The following ASAP3 variants were observed in gnomAD, a reference collection of about 807,000 sequenced individuals.
The protein encoded by ASAP3 is ArfGAP with SH3 domain, ankyrin repeat and PH domain 3, also known as arf-GAP with SH3 domain, ANK repeat and PH domain-containing protein 3.
A neutral mutation model predicts 118.2 loss-of-function variants in ASAP3; 85 were observed. The ratio of observed to expected loss-of-function variants is 0.72; its 90% CI spans 0.60 to 0.86. The LOEUF (loss-of-function observed/expected upper bound fraction) is 0.86. Among genes scored for constraint, ASAP3 ranks in the 40% least tolerant of loss-of-function variants. ASAP3 has a pLI of 0.00. For missense variants in ASAP3, 1,026 were observed against 1,175.0 expected, an observed-to-expected ratio of 0.87 and a Z score of 1.85; for synonymous variants, 432 against 477.4, an observed-to-expected ratio of 0.90 and a Z score of 1.24.
intron 4 of ASAP3, among the ~76,000 whole-genome samples, chr1:23,452,191 C>A (rs578192183): frequency 6.6e-6 from 1 of 152,296 alleles, no homozygotes; most frequent in East Asian, 1.9e-4. Flanking sequence ...AGGGAGGGAA[C>A]CCTCTTGGGG....
Position 23,436,471 on chromosome 1 carries a change from C to A in ASAP3, c.1571+89G>T. On this transcript the variant is annotated intron_variant, in intron 16 of 24. Coordinates refer to ENST00000336689, the MANE Select transcript of ASAP3 (RefSeq NM_017707.4). This position sits in a 1 kb window ranked among gnomAD's most constrained non-coding sequence, Gnocchi z 4.2. ...AGCCACTGCGCCCAGCCTCCCCAGA[C>A]TTCTGATCCAAGACTTTTCTACGAC... The A allele has an allele frequency of 6.8e-7, 1 of 1,472,594 alleles. No homozygotes were observed. Among genetic ancestry groups the A allele is most frequent in the Non-Finnish European group, 9.4e-7 (1 of 1,059,546 alleles). 91.2% of individuals were successfully genotyped at this position (1,472,594 alleles called of 1,614,324 possible). A position where few individuals can be genotyped will look rare whatever the true frequency, so the allele number is the denominator to read the frequency against.
chr1:23,478,924 G>A (rs1642219866), intron 1 of ASAP3, among the ~76,000 whole-genome samples: 1 of 152,140 alleles, frequency 6.6e-6, no homozygotes, highest in South Asian at 2.1e-4. Flanking sequence ...AAATAAAGAG[G>A]AATCGCCATA....
intron 5 of ASAP3, among the ~76,000 whole-genome samples, chr1:23,446,744 G>T (rs143334769): frequency 7.9e-5 from 12 of 152,240 alleles, no homozygotes; most frequent in African/African-American, 2.6e-4. Flanking sequence ...AGCCCAATTT[G>T]TAAGTTTTAA....
At chr1:23,458,240 G>A (rs1263609051) in intron 1 of ASAP3, among the ~76,000 whole-genome samples, 1 of 152,198 alleles carries the variant, frequency 6.6e-6, no homozygotes, top group Non-Finnish European at 1.5e-5. Flanking sequence ...CAGCACTTTG[G>A]GAGGCAGAAA....
In ASAP3 at chr1:23,436,014, T is replaced by G; in HGVS notation, c.1586A>C (p.Asp529Ala). ...CTCCACATACTTGGCCATAATGTAGTCCCTGCGGGTGCCCCTACCAAAAAC... is the reference window on the plus strand; with the variant it reads ...CTCCACATACTTGGCCATAATGTAGGCCCTGCGGGTGCCCCTACCAAAAAC... ...SAESDMGTRR[D>A]YIMAKYVEHR... Residue 529 changes from aspartate (D) to alanine (A), a missense_variant, in exon 17 of 25, where the codon GAC (aspartate) becomes GCC (alanine). Transcript: ENST00000336689. The surrounding 1 kb of genome is among the most constrained non-coding windows in gnomAD (Gnocchi z 4.2). 1 of 1,614,174 alleles carries G rather than the reference T, an allele frequency of 6.2e-7. No homozygotes were observed. Among genetic ancestry groups the G allele is most frequent in the Middle Eastern group, 1.6e-4 (1 of 6,062 alleles).
chr1:23,473,605 TAC>T (rs1461277272), intron 1 of ASAP3, among the ~76,000 whole-genome samples: 1 of 152,320 alleles, frequency 6.6e-6, no homozygotes, highest in South Asian at 2.1e-4. Flanking sequence ...GACCTAAAGT[TAC>T]AGTTTCTGCC....
intron 5 of ASAP3, among the ~76,000 whole-genome samples, chr1:23,446,729 T>C (rs1257863214): frequency 6.6e-6 from 1 of 152,194 alleles, no homozygotes; most frequent in African/African-American, 2.4e-5. Context: ...TGAGCCACCA[T>C]GCCCAGCCCA....
intron 3 of ASAP3, among the ~76,000 whole-genome samples, chr1:23,454,850 T>C (rs1285371641): frequency 6.6e-6 from 1 of 152,214 alleles, no homozygotes; most frequent in Non-Finnish European, 1.5e-5. Context: ...GTTTCACAGA[T>C]GAGAGACCTG....
chr1:23,457,809 G>A (rs75669779), intron 1 of ASAP3, among the ~76,000 whole-genome samples: 5,486 of 152,210 alleles, frequency 0.036, 136 homozygotes, highest in Middle Eastern at 0.14. Context: ...CACCGTGCCC[G>A]GGCACAAGTT....
chr1:23,449,217 G>A (rs946761263), intron 5 of ASAP3, among the ~76,000 whole-genome samples: 1 of 152,168 alleles, frequency 6.6e-6, no homozygotes, highest in Non-Finnish European at 1.5e-5. Flanking sequence ...CCTAGTTCTG[G>A]CTCATATAGG....
chr1:23,442,784 G>T, intron 5 of ASAP3, 172 bp from the exon 6 acceptor site: 1 of 1,031,186 alleles, frequency 9.7e-7, no homozygotes, highest in Non-Finnish European at 1.4e-6. Flanking sequence ...CAGAGTGGTG[G>T]GGGAGAAAGA....
At chr1:23,444,848 C>A (rs1034781620) in intron 5 of ASAP3, among the ~76,000 whole-genome samples, 1 of 152,032 alleles carries the variant, frequency 6.6e-6, no homozygotes, top group Non-Finnish European at 1.5e-5. Flanking sequence ...TTATGGGGGG[C>A]TGCCTGGTGG....
At chr1:23,448,558 G>A (rs1641116863) in intron 5 of ASAP3, among the ~76,000 whole-genome samples, 1 of 151,848 alleles carries the variant, frequency 6.6e-6, no homozygotes, top group Admixed American at 6.6e-5. Flanking sequence ...CTCCCAAGTA[G>A]CTGAGATTAC....
At chr1:23,463,017 G>T (rs1267120489) in intron 1 of ASAP3, among the ~76,000 whole-genome samples, 2 of 152,150 alleles carry the variant, frequency 1.3e-5, no homozygotes, top group East Asian at 3.9e-4. Flanking sequence ...AGAGGGGAGG[G>T]AATGCTTGGT....
intron 17 of ASAP3, among the ~76,000 whole-genome samples, 197 bp from the exon 18 acceptor site, chr1:23,434,815 G>A (rs910830669): frequency 2.6e-5 from 4 of 151,960 alleles, no homozygotes; most frequent in African/African-American, 4.8e-5. Context: ...TCCCATTCAC[G>A]GCTCTTCCTC....
At chr1:23,445,160 G>A (rs986421887) in intron 5 of ASAP3, among the ~76,000 whole-genome samples, 2 of 152,074 alleles carry the variant, frequency 1.3e-5, no homozygotes, top group African/African-American at 4.8e-5. Context: ...GGCTGGGCCT[G>A]CAGCATCTCA....
In ASAP3 at chr1:23,463,591, G is replaced by T. The variant is rs949410796; in HGVS notation, c.130-7397C>A. ...TCTAAACTTCCTCTCCTTTAAAATA[G>T]ATTTTTATTTTTTTATTTTTTTATT... On this transcript the variant is annotated intron_variant, in intron 1 of 24. Transcript: ENST00000336689. 2.0e-5 allele frequency among the ~76,000 whole-genome samples: 3 copies of T among 151,990 alleles called. No individual in the cohort carries two copies. The East Asian group carries it at 5.8e-4, about 29-fold the overall frequency.
At chr1:23,474,644 C>T (rs1032729935) in intron 1 of ASAP3, among the ~76,000 whole-genome samples, 8 of 152,112 alleles carry the variant, frequency 5.3e-5, no homozygotes, top group East Asian at 1.9e-4. Context: ...AGTGCAGTGG[C>T]GCAATCTCGG....
chr1:23,456,279 C>A (rs910305945), intron 1 of ASAP3, 85 bp from the exon 2 acceptor site: 8 of 1,265,664 alleles, frequency 6.3e-6, no homozygotes, highest in Admixed American at 4.0e-5. Flanking sequence ...ATGATTTCCA[C>A]CCCCCAACCG....
Sources: gnomAD v4.1 joint callset for allele counts (sites outside exome capture counted in the v4.1 genomes callset) on GRCh38, gnomAD v4.1.1 for gene constraint, Gnocchi (gnomAD v3.1) non-coding constraint, MANE v1.5 for transcripts, NCBI Gene and HGNC (gene_info 2026-07-23, HGNC 2026-07-21) for gene names.